Variants in CNTN2 observed in about 807,000 individuals in gnomAD.
The protein encoded by CNTN2 is contactin 2, also known as contactin-2.
CNTN2 carries 53 observed loss-of-function variants against 117.5 expected under a neutral mutation model. The ratio of observed to expected loss-of-function variants is 0.45; its 90% CI spans 0.36 to 0.57. The LOEUF is 0.57. Among genes scored for constraint, CNTN2 ranks in the 20% least tolerant of loss-of-function variants. The pLI, the probability that CNTN2 is intolerant of heterozygous loss-of-function variation, is 0.00. For missense variants in CNTN2, 1,106 were observed against 1,404.3 expected (o/e 0.79, Z 3.39); for synonymous variants, 530 against 561.7 (o/e 0.94, Z 0.80).
rs1187963322 is a variant in CNTN2, at chr1:205,058,216, C to T, written c.251C>T (p.Pro84Leu). 6.3e-7 allele frequency: 1 copy of T among 1,576,882 alleles called. No homozygotes were observed. The highest frequency in any genetic ancestry group is 1.2e-5 in the South Asian group (1 of 84,300). ...AATGGTACCGAGATGAAGCTGGAGCCAGGTTCCCGTCACCAGCTGGTGGGG... is the reference window on the plus strand; with the variant it reads ...AATGGTACCGAGATGAAGCTGGAGCTAGGTTCCCGTCACCAGCTGGTGGGG... Reference protein sequence around the residue: ...KMNGTEMKLEPGSRHQLVGGN... With the variant: ...KMNGTEMKLELGSRHQLVGGN... Residue 84 changes from proline (P) to leucine (L), a missense_variant, in exon 4 of 23, where the codon CCA becomes CTA. By Grantham distance (98) the Pro-to-Leu change is moderately conservative. Coordinates refer to ENST00000331830, the MANE Select transcript of CNTN2 (RefSeq NM_005076.5). The surrounding 1 kb of genome is among the most constrained non-coding windows in gnomAD (Gnocchi z 4.3).
intron 2 of CNTN2, among the ~76,000 whole-genome samples, chr1:205,054,989 T>TTTGTTG (rs559027768): frequency 2.6e-5 from 4 of 151,746 alleles, no homozygotes; most frequent in African/African-American, 7.3e-5. Flanking sequence ...GAGAGTGTGT[T>TTTGTTG]TTGTTGTTGT....
chr1:205,043,483 T>C (rs1342922434), intron 1 of CNTN2, 89 bp downstream of exon 1: 1 of 152,274 alleles, frequency 6.6e-6, no homozygotes, highest in Non-Finnish European at 1.5e-5. Flanking sequence ...TTCCTGTAAA[T>C]ATCCCCCTTG....
In CNTN2 at chr1:205,058,708, G is replaced by A; in HGVS notation, c.487+45G>A. ...CAGGGTTAGAGAGGGCACAGGAAGG[G>A]CTTCCAGATGCTTGGCAGAGGAAGG... is the stretch of plus-strand genomic sequence containing the variant. On this transcript the variant is annotated intron_variant, in intron 5 of 22. Coordinates refer to ENST00000331830, the MANE Select transcript of CNTN2 (RefSeq NM_005076.5). The surrounding 1 kb of genome is among the most constrained non-coding windows in gnomAD (Gnocchi z 4.3). 3.5e-6 allele frequency: 5 copies of A among 1,440,484 alleles called. No individual in the cohort carries two copies. Among genetic ancestry groups the A allele is most frequent in the Non-Finnish European group, 4.8e-6 (5 of 1,037,816 alleles). 89.2% of individuals were successfully genotyped at this position (1,440,484 alleles called of 1,614,324 possible). A position where few individuals can be genotyped will look rare whatever the true frequency, so the allele number is the denominator to read the frequency against.
rs948996895 is a variant in CNTN2 at position 205,061,193 on chromosome 1, G to A, written c.798-52G>A. The A allele has an allele frequency of 6.5e-7, 1 of 1,542,864 alleles. No homozygotes were observed. The highest frequency in any genetic ancestry group is 8.8e-7 in the Non-Finnish European group (1 of 1,137,178). ...TGGGTATGAGGAGCTGCGGGCACTG[G>A]AGGGGTAGGCCCAGCTCAGCCCACA... On this transcript the variant is annotated intron_variant, in intron 7 of 22. Transcript: ENST00000331830. This position sits in a 1 kb window ranked among gnomAD's most constrained non-coding sequence, Gnocchi z 4.8.
chr1:205,061,555 T>G lies in CNTN2; in HGVS notation c.973+135T>G, dbSNP rs1430861101. 2 of 1,088,810 alleles carry G rather than the reference T, an allele frequency of 1.8e-6. No individual in the cohort carries two copies. Among genetic ancestry groups the G allele is most frequent in the Non-Finnish European group, 2.6e-6 (2 of 781,394 alleles). 67.4% of individuals were successfully genotyped at this position (1,088,810 alleles called of 1,614,324 possible). ...TGCATGAGCCTGCTTGCCCTAGGACTGCACTGAGTCTGGGACCAGAGGAGG... is the reference window on the plus strand; with the variant it reads ...TGCATGAGCCTGCTTGCCCTAGGACGGCACTGAGTCTGGGACCAGAGGAGG... On this transcript the variant is annotated intron_variant, in intron 8 of 22. Coordinates refer to ENST00000331830, the MANE Select transcript of CNTN2 (RefSeq NM_005076.5). This position sits in a 1 kb window ranked among gnomAD's most constrained non-coding sequence, Gnocchi z 4.8.
chr1:205,069,466 A>G lies in CNTN2; in HGVS notation c.2126-25A>G, dbSNP rs368455212. The G allele has an allele frequency of 1.5e-4, 238 of 1,612,434 alleles. 1 individual carries two copies. Among genetic ancestry groups the G allele is most frequent in the Middle Eastern group, 1.2e-3 (7 of 6,082 alleles). On this transcript the variant is annotated intron_variant, in intron 16 of 22. Transcript: ENST00000331830. ...TTTTCCTTGCTCATTAACAAGCCAT[A>G]TCGGTGTCCCTTGGCCCTTGACAGC... is the stretch of plus-strand genomic sequence containing the variant.
chr1:205,043,773 C>T (rs1023920223), intron 1 of CNTN2, among the ~76,000 whole-genome samples: 2 of 152,192 alleles, frequency 1.3e-5, no homozygotes, highest in Admixed American at 1.3e-4. Context: ...GTCCATACAG[C>T]CAGGCCCTGG....
Position 205,074,126 on chromosome 1 carries a change from C to T in CNTN2, c.*361C>T, listed in dbSNP as rs949854502. The T allele has an allele frequency of 1.9e-6, 1 of 513,812 alleles. No individual in the cohort carries two copies. Among genetic ancestry groups the T allele is most frequent in the African/African-American group, 1.9e-5 (1 of 53,158 alleles). The allele number at this position is 513,812 out of a possible 1,614,324, so 31.8% of individuals were successfully genotyped here. ...GGCCCTCTGGGACCCTATACGGACT[C>T]CGCCACTTGAGAGCAGTCCTAGGCC... On this transcript the variant is annotated 3_prime_UTR_variant, in exon 23 of 23. Coordinates refer to ENST00000331830, the MANE Select transcript of CNTN2 (RefSeq NM_005076.5).
intron 1 of CNTN2, among the ~76,000 whole-genome samples, chr1:205,049,578 C>G (rs2096448746): frequency 2.0e-5 from 3 of 152,120 alleles, no homozygotes; most frequent in African/African-American, 7.2e-5. Context: ...CCTGGAGTCT[C>G]CAGCCCCTGG....
At chr1:205,049,282 ACACACACACACACAC>A (rs2096447981) in intron 1 of CNTN2, among the ~76,000 whole-genome samples, 5 of 48,872 alleles carry the variant, frequency 1.0e-4, no homozygotes, top group South Asian at 8.7e-4. Flanking sequence ...CTCACACCCG[ACACACACACACACAC>A]ACACACACAC....
intron 1 of CNTN2, 21 bp from the exon 2 acceptor site, chr1:205,053,079 C>T (rs12087308): frequency 2.5e-6 from 2 of 784,486 alleles, no homozygotes; most frequent in Non-Finnish European, 4.0e-6. Context: ...TCAGAGCCCT[C>T]CTTTCTGTCT....
intron 10 of CNTN2, among the ~76,000 whole-genome samples, chr1:205,063,968 G>A (rs775872471): frequency 1.3e-5 from 2 of 152,140 alleles, no homozygotes; most frequent in African/African-American, 2.4e-5. Flanking sequence ...AGCAAGATGC[G>A]ATTGGAAAGG....
chr1:205,053,642 T>C (rs1462751040), intron 2 of CNTN2, among the ~76,000 whole-genome samples: 2 of 152,194 alleles, frequency 1.3e-5, no homozygotes, highest in African/African-American at 2.4e-5. Flanking sequence ...TCAATTCCAT[T>C]TTAAAAATAA....
intron 1 of CNTN2, among the ~76,000 whole-genome samples, chr1:205,046,296 C>T (rs944732923): frequency 1.3e-5 from 2 of 152,230 alleles, no homozygotes; most frequent in Admixed American, 6.5e-5. Context: ...CAGGCCCAAA[C>T]GCATCTCAGT....
At chr1:205,064,529 C>T in intron 11 of CNTN2, 57 bp downstream of exon 11, 1 of 1,594,492 alleles carries the variant, frequency 6.3e-7, no homozygotes, top group Middle Eastern at 1.7e-4. Flanking sequence ...TCCATGGAGG[C>T]CAATTCCCCT....
Position 205,061,550 on chromosome 1 carries a change from A to G in CNTN2, c.973+130A>G, listed in dbSNP as rs1180841603. On this transcript the variant is annotated intron_variant, in intron 8 of 22. Transcript: ENST00000331830. This position sits in a 1 kb window ranked among gnomAD's most constrained non-coding sequence, Gnocchi z 4.8. ...CCCCCTGCATGAGCCTGCTTGCCCT[A>G]GGACTGCACTGAGTCTGGGACCAGA... The G allele has an allele frequency of 8.1e-6, 9 of 1,115,636 alleles. No homozygotes were observed. The highest frequency in any genetic ancestry group is 1.6e-5 in the South Asian group (1 of 62,078). The allele number at this position is 1,115,636 out of a possible 1,614,324, so 69.1% of individuals were successfully genotyped here. A position where few individuals can be genotyped will look rare whatever the true frequency, so the allele number is the denominator to read the frequency against.
Position 205,058,732 on chromosome 1 carries a change from G to T in CNTN2, c.487+69G>T. 1 of 1,269,686 alleles carries T rather than the reference G, an allele frequency of 7.9e-7. No individual in the cohort carries two copies. The highest frequency in any genetic ancestry group is 1.1e-6 in the Non-Finnish European group (1 of 899,590). The allele number at this position is 1,269,686 out of a possible 1,614,324, so 78.7% of individuals were successfully genotyped here. A position where few individuals can be genotyped will look rare whatever the true frequency, so the allele number is the denominator to read the frequency against. ...GGCTTCCAGATGCTTGGCAGAGGAAGGATGGAATAAAAGGAGACCCCTGGA... is the reference window on the plus strand; with the variant it reads ...GGCTTCCAGATGCTTGGCAGAGGAATGATGGAATAAAAGGAGACCCCTGGA... On this transcript the variant is annotated intron_variant, in intron 5 of 22. Coordinates refer to ENST00000331830, the MANE Select transcript of CNTN2 (RefSeq NM_005076.5). The surrounding 1 kb of genome is among the most constrained non-coding windows in gnomAD (Gnocchi z 4.3).
At chr1:205,067,589 G>C (rs1654360456) in intron 16 of CNTN2, 2 of 207,092 alleles carry the variant, frequency 9.7e-6, no homozygotes, top group African/African-American at 2.3e-5. Flanking sequence ...AGGACCATGG[G>C]GTGGTAGACA....
intron 15 of CNTN2, 134 bp from the exon 16 acceptor site, chr1:205,066,967 G>C: frequency 3.6e-6 from 4 of 1,115,668 alleles, no homozygotes; most frequent in Non-Finnish European, 3.8e-6. Context: ...TCTGAAAAAG[G>C]TACTGAGTGC....
Sources: allele counts gnomAD v4.1 joint callset (sites outside exome capture counted in the v4.1 genomes callset), GRCh38; gene constraint gnomAD v4.1.1; non-coding constraint Gnocchi (gnomAD v3.1); transcripts MANE v1.5; gene names NCBI Gene and HGNC (gene_info 2026-07-23, HGNC 2026-07-21).